Variants in TLN2 observed in about 807,000 individuals in gnomAD.
TLN2 encodes the protein talin 2.
In TLN2, 118 loss-of-function variants were observed where a neutral mutation model predicts 294.7. That is an observed-to-expected ratio of 0.40 (90% CI 0.34 to 0.47). TLN2 has a LOEUF of 0.47. Among genes scored for constraint, TLN2 ranks in the 20% least tolerant of loss-of-function variants. TLN2 has a pLI of 0.84. For synonymous variants in TLN2, 1,431 were observed against 1,304.5 expected (o/e 1.10, Z -2.09); for missense variants, 3,083 against 3,282.2 (o/e 0.94, Z 1.48).
intron 9 of TLN2, among the ~76,000 whole-genome samples, chr15:62,671,805 T>G (rs1400655450): frequency 1.3e-5 from 2 of 152,214 alleles, no homozygotes; most frequent in African/African-American, 4.8e-5. Flanking sequence ...TTCTTGTGTT[T>G]GGGTTTGGCT....
At chr15:62,455,312 G>T (rs9920908) in intron 1 of TLN2, among the ~76,000 whole-genome samples, 1 of 152,024 alleles carries the variant, frequency 6.6e-6, no homozygotes, top group Non-Finnish European at 1.5e-5. Context: ...GGGGTTCCTG[G>T]AGGTGCACTT....
intron 42 of TLN2, among the ~76,000 whole-genome samples, chr15:62,773,565 A>C (rs1196491589): frequency 6.6e-6 from 1 of 152,106 alleles, no homozygotes; most frequent in African/African-American, 2.4e-5. Flanking sequence ...GCCAAGACTT[A>C]ATCACCTTGA....
chr15:62,396,461 A>G (rs1254161953), intron 1 of TLN2, among the ~76,000 whole-genome samples: 3 of 152,236 alleles, frequency 2.0e-5, no homozygotes, highest in Non-Finnish European at 4.4e-5. Context: ...ATTTTCTAAA[A>G]TCTTTGATTT....
intron 11 of TLN2, among the ~76,000 whole-genome samples, chr15:62,675,812 C>T (rs975441873): frequency 6.6e-6 from 1 of 152,118 alleles, no homozygotes; most frequent in African/African-American, 2.4e-5. Context: ...GGAAAAGAGG[C>T]GTGTTTTTGA....
chr15:62,820,545 G>A lies in TLN2; in HGVS notation c.6937G>A (p.Ala2313Thr). Residue 2313 changes from alanine to threonine, a missense_variant, in exon 54 of 59, where the codon GCT (alanine) becomes ACT (threonine). Ala to Thr is a moderately conservative substitution (Grantham distance 58, BLOSUM62 0). Coordinates refer to ENST00000636159, the MANE Select transcript of TLN2 (RefSeq NM_015059.3). ...CATTGCAGAAACAGAGTTACTGGGG[G>A]CTGCAGCATCCATCGAAGCTGCTGC... ...TVIAETELLGAAASIEAAAKK... is the reference protein window; with the variant it reads ...TVIAETELLGTAASIEAAAKK... The A allele has an allele frequency of 6.2e-7, 1 of 1,614,006 alleles. No homozygotes were observed. Among genetic ancestry groups the A allele is most frequent in the Non-Finnish European group, 8.5e-7 (1 of 1,179,952 alleles).
chr15:62,692,538 T>C (rs1397727797), intron 12 of TLN2, among the ~76,000 whole-genome samples: 1 of 152,160 alleles, frequency 6.6e-6, no homozygotes, highest in Non-Finnish European at 1.5e-5. Context: ...GAGGTTCCAA[T>C]GTTCAGGCCT....
At chr15:62,761,423 G>C (rs2062659907) in intron 37 of TLN2, among the ~76,000 whole-genome samples, 1 of 152,154 alleles carries the variant, frequency 6.6e-6, no homozygotes, top group Non-Finnish European at 1.5e-5. Context: ...CTGTGTCTCT[G>C]CTTCCTGGGA....
At chr15:62,601,511 A>G (rs2047003589) in intron 2 of TLN2, among the ~76,000 whole-genome samples, 1 of 152,246 alleles carries the variant, frequency 6.6e-6, no homozygotes, top group Admixed American at 6.5e-5. Flanking sequence ...TTCTTTGGCA[A>G]GAATACACGT....
intron 23 of TLN2, 96 bp downstream of exon 23, chr15:62,716,555 G>A: frequency 1.4e-6 from 2 of 1,433,676 alleles, no homozygotes; most frequent in Admixed American, 2.7e-5. Context: ...ACAATATAAA[G>A]AAAGCCAAGT....
intron 1 of TLN2, among the ~76,000 whole-genome samples, chr15:62,497,709 A>G (rs1319303839): frequency 6.6e-6 from 1 of 152,178 alleles, no homozygotes; most frequent in Non-Finnish European, 1.5e-5. Flanking sequence ...GAGAGATTCT[A>G]CATTTGGTTT....
intron 1 of TLN2, among the ~76,000 whole-genome samples, chr15:62,410,979 G>A (rs1353125265): frequency 1.3e-5 from 2 of 152,262 alleles, no homozygotes. Flanking sequence ...TGCTTGCTGT[G>A]GTTGTGGAAG....
At chr15:62,547,587 T>G (rs1249127119) in intron 1 of TLN2, among the ~76,000 whole-genome samples, 4 of 152,226 alleles carry the variant, frequency 2.6e-5, no homozygotes. Context: ...ATAAAAGACT[T>G]TGAAGGTGGC....
At chr15:62,656,152 T>G (rs1037710608) in intron 8 of TLN2, 66 bp downstream of exon 8, 19 of 1,589,438 alleles carry the variant, frequency 1.2e-5, no homozygotes, top group Admixed American at 1.7e-5. Context: ...CTGTATCTTG[T>G]GGCGAGCAGG....
chr15:62,581,369 A>C (rs976900106), intron 1 of TLN2, among the ~76,000 whole-genome samples: 1 of 152,156 alleles, frequency 6.6e-6, no homozygotes, highest in Non-Finnish European at 1.5e-5. Flanking sequence ...TATTGTGTAC[A>C]TGTACCTTCT....
intron 57 of TLN2, 138 bp downstream of exon 57, chr15:62,836,211 A>G: frequency 8.3e-6 from 10 of 1,204,736 alleles, no homozygotes; most frequent in Middle Eastern, 2.8e-4. Context: ...AGCCTCATCT[A>G]CTGCGTGCGT....
chr15:62,826,924 G>T (rs2068266046), intron 54 of TLN2, among the ~76,000 whole-genome samples: 1 of 152,100 alleles, frequency 6.6e-6, no homozygotes, highest in African/African-American at 2.4e-5. Context: ...CTTATTTTTA[G>T]TAGCAGGCAT....
intron 3 of TLN2, among the ~76,000 whole-genome samples, chr15:62,639,247 A>G (rs1312237892): frequency 2.0e-5 from 3 of 151,900 alleles, no homozygotes; most frequent in African/African-American, 7.3e-5. Context: ...ATCTATATCT[A>G]TATCTATATC....
At chr15:62,461,519 C>A (rs2036804872) in intron 1 of TLN2, among the ~76,000 whole-genome samples, 3 of 152,184 alleles carry the variant, frequency 2.0e-5, no homozygotes, top group Non-Finnish European at 4.4e-5. Flanking sequence ...TGGGTTTATA[C>A]CTAGACGTAG....
In TLN2 at chr15:62,840,827, G is replaced by A. The variant is rs1474110992; in HGVS notation, c.*217G>A. 33 of 562,246 alleles carry A rather than the reference G, an allele frequency of 5.9e-5. No individual in the cohort carries two copies. Among genetic ancestry groups the A allele is most frequent in the South Asian group, 1.7e-4 (6 of 34,438 alleles). The allele number at this position is 562,246 out of a possible 1,614,324, so 34.8% of individuals were successfully genotyped here. On this transcript the variant is annotated 3_prime_UTR_variant, in exon 59 of 59. Transcript: ENST00000636159. ...ATGTCCTACCCACAACTCCTCTGCC[G>A]CCTCCCCTCATGCCTCACCGTGTCT...
Sources: allele counts gnomAD v4.1 joint callset (sites outside exome capture counted in the v4.1 genomes callset), GRCh38; gene constraint gnomAD v4.1.1; transcripts MANE v1.5; gene names NCBI Gene and HGNC (gene_info 2026-07-23, HGNC 2026-07-21).